The following RFX3 variants were observed in gnomAD, a reference collection of about 807,000 sequenced individuals.
The protein encoded by RFX3 is transcription factor RFX3.
Under a neutral mutation model 98.6 loss-of-function variants are expected in RFX3, and 14 were observed. That is an observed-to-expected ratio of 0.14 (90% confidence interval 0.09 to 0.22). RFX3 has a LOEUF of 0.22. RFX3 is among the 10% of genes least tolerant of loss of function. The pLI, the probability that RFX3 is intolerant of heterozygous loss-of-function variation, is 1.00. For missense variants in RFX3, 639 were observed against 926.9 expected, an observed-to-expected ratio of 0.69 and a Z score of 4.03; for synonymous variants, 383 against 328.4, an observed-to-expected ratio of 1.17 and a Z score of -1.80.
intron 15 of RFX3, chr9:3,247,632 T>C: frequency 2.2e-6 from 3 of 1,359,908 alleles, no homozygotes; most frequent in Non-Finnish European, 2.8e-6. Flanking sequence ...TTTACTTTGT[T>C]CTTGGAGACC....
At chr9:3,331,544 T>G (rs1832600847) in intron 3 of RFX3, among the ~76,000 whole-genome samples, 1 of 152,154 alleles carries the variant, frequency 6.6e-6, no homozygotes, top group African/African-American at 2.4e-5. Flanking sequence ...CCTGAGAGTT[T>G]GGTGTATATG....
At chr9:3,436,579 G>A (rs183015500) in intron 1 of RFX3, among the ~76,000 whole-genome samples, 262 of 152,124 alleles carry the variant, frequency 1.7e-3, no homozygotes, top group Non-Finnish European at 2.7e-3. Flanking sequence ...GTCATCAATG[G>A]ACACTTAGTT....
At chr9:3,327,555 C>CT (rs981710080) in intron 4 of RFX3, among the ~76,000 whole-genome samples, 12 of 150,440 alleles carry the variant, frequency 8.0e-5, no homozygotes, top group African/African-American at 4.9e-5. Context: ...ACAAAAGTTA[C>CT]TTTTTTTTTA....
chr9:3,354,293 TACAG>T (rs367987090), intron 2 of RFX3, among the ~76,000 whole-genome samples: 10 of 151,852 alleles, frequency 6.6e-5, no homozygotes, highest in Admixed American at 6.6e-4. Flanking sequence ...ATCATCAATG[TACAG>T]ACAAAGAAGC....
intron 14 of RFX3, among the ~76,000 whole-genome samples, chr9:3,249,898 T>TA (rs1219902005): frequency 6.6e-6 from 1 of 152,032 alleles, no homozygotes; most frequent in Non-Finnish European, 1.5e-5. Flanking sequence ...AATGATATCT[T>TA]AGAGTTGACT....
chr9:3,496,700 G>A (rs1159960164), intron 1 of RFX3, among the ~76,000 whole-genome samples: 1 of 151,852 alleles, frequency 6.6e-6, no homozygotes, highest in African/African-American at 2.4e-5. Context: ...GGCAGTTAAG[G>A]AACTTATTTA....
chr9:3,381,655 T>C (rs998706948), intron 2 of RFX3, among the ~76,000 whole-genome samples: 3 of 152,138 alleles, frequency 2.0e-5, no homozygotes, highest in African/African-American at 7.2e-5. Context: ...TTCTTATATA[T>C]ATCTTTTCCT....
In RFX3 at chr9:3,219,384, A is replaced by G. The variant is rs1380610347; in HGVS notation, c.*5658T>C. 1 of 151,976 alleles carries G rather than the reference A, an allele frequency of 6.6e-6. No homozygotes were observed. The highest frequency in any genetic ancestry group is 1.5e-5 in the Non-Finnish European group (1 of 67,978). The allele number at this position is 151,976 out of a possible 1,614,324, so 9.4% of individuals were successfully genotyped here. A position where few individuals can be genotyped will look rare whatever the true frequency, so the allele number is the denominator to read the frequency against. On this transcript the variant is annotated 3_prime_UTR_variant, in exon 17 of 17. Transcript: ENST00000617270. The stretch of plus-strand genomic sequence containing the variant: ...TATTTGTTGTCCTCGTTATTGAGCT[A>G]CATAAACAATTCTTACCAAAGATTT...
At chr9:3,347,121 G>C (rs1048953926) in intron 2 of RFX3, among the ~76,000 whole-genome samples, 2 of 152,126 alleles carry the variant, frequency 1.3e-5, no homozygotes, top group East Asian at 3.9e-4. Context: ...AGGAGTTCAA[G>C]ACCAGCCTGG....
chr9:3,301,550 C>T lies in RFX3; in HGVS notation c.545G>A (p.Ser182Asn), dbSNP rs1415531387. Reference protein sequence around the residue: ...LSTHRSSLLNSHLQWLLDNYE... With the variant: ...LSTHRSSLLNNHLQWLLDNYE... ...CATGAAGAAGAGGCAACTTACATGG[C>T]TGTTGAGAAGAGAGCTTCTGTGAGT... The change falls in exon 5 of 17, where the codon AGC becomes AAC. Residue 182 changes from serine (S) to asparagine (N), a missense_variant. Ser to Asn is a conservative substitution (Grantham distance 46, BLOSUM62 1). Transcript: ENST00000617270. The T allele has an allele frequency of 6.3e-7, 1 of 1,597,328 alleles. No homozygotes were observed. The highest frequency in any genetic ancestry group is 1.7e-5 in the Admixed American group (1 of 59,718).
chr9:3,516,524 T>C (rs1818186895), intron 1 of RFX3, among the ~76,000 whole-genome samples: 2 of 152,196 alleles, frequency 1.3e-5, no homozygotes, highest in Non-Finnish European at 2.9e-5. Flanking sequence ...AGGATAGCAA[T>C]GCTTTCCAGA....
intron 2 of RFX3, among the ~76,000 whole-genome samples, chr9:3,362,859 T>G (rs2131407105): frequency 6.6e-6 from 1 of 152,268 alleles, no homozygotes; most frequent in African/African-American, 2.4e-5. Flanking sequence ...TAAAGCAGGT[T>G]TCAAAGGCGA....
At chr9:3,439,194 T>C (rs957155114) in intron 1 of RFX3, among the ~76,000 whole-genome samples, 2 of 151,970 alleles carry the variant, frequency 1.3e-5, no homozygotes, top group East Asian at 3.9e-4. Context: ...GGGAAATTTA[T>C]ACTACTAAAT....
At chr9:3,479,604 A>T (rs1422461062) in intron 1 of RFX3, among the ~76,000 whole-genome samples, 6 of 152,234 alleles carry the variant, frequency 3.9e-5, no homozygotes, top group African/African-American at 1.4e-4. Flanking sequence ...AAAGGTGATT[A>T]CTGGTCTCAG....
chr9:3,483,628 T>A (rs1003496509), intron 1 of RFX3, among the ~76,000 whole-genome samples: 1 of 152,158 alleles, frequency 6.6e-6, no homozygotes, highest in African/African-American at 2.4e-5. Flanking sequence ...AAAAGCACAA[T>A]AATTCACATT....
chr9:3,293,968 G>T (rs1021933079), intron 5 of RFX3, among the ~76,000 whole-genome samples: 1 of 152,078 alleles, frequency 6.6e-6, no homozygotes, highest in Non-Finnish European at 1.5e-5. Flanking sequence ...AAGGCACACT[G>T]CAATGATAGT....
At chr9:3,344,257 G>A (rs1458213355) in intron 3 of RFX3, among the ~76,000 whole-genome samples, 1 of 152,124 alleles carries the variant, frequency 6.6e-6, no homozygotes, top group Non-Finnish European at 1.5e-5. Flanking sequence ...GATAAACTGA[G>A]GTTACAGTTT....
chr9:3,505,869 A>C (rs769501861), intron 1 of RFX3, among the ~76,000 whole-genome samples: 2 of 149,800 alleles, frequency 1.3e-5, no homozygotes, highest in Non-Finnish European at 3.0e-5. Flanking sequence ...TCTCTCCCTC[A>C]CCCCCAATTG....
intron 2 of RFX3, among the ~76,000 whole-genome samples, chr9:3,371,018 A>T (rs182099998): frequency 6.6e-4 from 101 of 152,222 alleles, no homozygotes; most frequent in African/African-American, 2.1e-3. Flanking sequence ...ATCCTTTTTT[A>T]AAAAAAGCAA....
Sources: gnomAD v4.1 joint callset for allele counts (sites outside exome capture counted in the v4.1 genomes callset) on GRCh38, gnomAD v4.1.1 for gene constraint, MANE v1.5 for transcripts, NCBI Gene and HGNC (gene_info 2026-07-23, HGNC 2026-07-21) for gene names.